Variants in TTN observed in about 807,000 individuals in gnomAD.
TTN encodes titin.
Under a neutral mutation model 3,223.0 loss-of-function variants are expected in TTN, and 1,525 were observed. That is an observed-to-expected ratio of 0.47 (90% confidence interval 0.45 to 0.49). The LOEUF (loss-of-function observed/expected upper bound fraction) is 0.49, where lower values mean the gene tolerates loss of function less well. Among genes scored for constraint, TTN ranks in the 20% least tolerant of loss-of-function variants. The probability of loss-of-function intolerance (pLI) is 0.00; values close to 1 mark genes in which losing one functional copy is unlikely to be tolerated. For missense variants in TTN, 40,786 were observed against 43,424.0 expected (o/e 0.94, Z 5.40); for synonymous variants, 14,094 against 15,161.0 (o/e 0.93, Z 5.17).
At position 178,730,157 on chromosome 2, in the gene TTN, G is replaced by C. The variant is rs1300689165; in HGVS notation, c.18243C>G (p.Thr6081=). 6.2e-7 allele frequency: 1 copy of C among 1,613,194 alleles called. No individual in the cohort carries two copies. Among genetic ancestry groups the C allele is most frequent in the Non-Finnish European group, 8.5e-7 (1 of 1,179,606 alleles). Residue 6081 remains threonine, a synonymous_variant, in exon 62 of 363, where the codon ACC becomes ACG. Coordinates refer to ENST00000589042, the MANE Select transcript of TTN (RefSeq NM_001267550.2). ...CATCATTGCTTAGTTGGCAAATGTA[G>C]GTTCCAGAATCGGTAGCTTTGGCTG... ...LFAAKATDSG[T]YICQLSNDVG...
chr2:178,788,517 GA>G (rs957845143), intron 13 of TTN, among the ~76,000 whole-genome samples: 35 of 151,550 alleles, frequency 2.3e-4, no homozygotes, highest in African/African-American at 8.0e-4. Context: ...TCATATCTTA[GA>G]AAAAAAAGAT....
Position 178,729,081 on chromosome 2 carries a change from A to G in TTN, c.18957T>C (p.Pro6319=), listed in dbSNP as rs773018365. ...CCTTTAGCCAGGTTATAGAAATAGGAGGAGAACCTGCCACGGTACTCTGAA... is the reference window on the plus strand; with the variant it reads ...CCTTTAGCCAGGTTATAGAAATAGGGGGAGAACCTGCCACGGTACTCTGAA... ...ATFQSTVAGS[P]PISITWLKDD... is the part of the protein sequence containing the mutation. The change falls in exon 65 of 363, where the codon CCT becomes CCC. Residue 6319 remains proline (P), a synonymous_variant. Coordinates refer to ENST00000589042, the MANE Select transcript of TTN (RefSeq NM_001267550.2). The G allele has an allele frequency of 6.2e-6, 10 of 1,612,326 alleles. No homozygotes were observed. The highest frequency in any genetic ancestry group is 2.2e-5 in the East Asian group (1 of 44,738).
chr2:178,641,394 T>G (rs1330317483), intron 219 of TTN, 79 bp from the exon 220 acceptor site: 2 of 842,650 alleles, frequency 2.4e-6, no homozygotes, highest in East Asian at 6.1e-5. Context: ...ATGCAAATAA[T>G]GTACAAAGCA....
At chr2:178,726,150 G>A (rs939294342) in intron 69 of TTN, 104 bp from the exon 70 acceptor site, 30 of 1,337,656 alleles carry the variant, frequency 2.2e-5, no homozygotes, top group Admixed American at 1.2e-4. Context: ...ATATTCTAAT[G>A]GGTAAGTAGA....
At chr2:178,688,036 G>C (rs1029090911) in intron 127 of TTN, 75 bp downstream of exon 127, 4 of 1,208,574 alleles carry the variant, frequency 3.3e-6, no homozygotes, top group South Asian at 2.7e-5. Flanking sequence ...TCTTTTCATT[G>C]GTCTGTAGAC....
In TTN at chr2:178,719,764, A is replaced by G. The variant is rs1577982173; in HGVS notation, c.23728T>C (p.Cys7910Arg). 3.7e-6 allele frequency: 6 copies of G among 1,613,420 alleles called. No homozygotes were observed. The East Asian group carries it at 1.3e-4, about 36-fold the overall frequency. ...VTTGNPFALE[C>R]VVTGTPELSA... ...AGTTCTGGTGTTCCAGTCACTACAC[A>G]CTCTAATGCAAAAGGATTTCCAGTA... Residue 7910 changes from cysteine to arginine, a missense_variant, in exon 82 of 363, where the codon TGT becomes CGT. By Grantham distance (180) the Cys-to-Arg change is radical (BLOSUM62 -3). Transcript: ENST00000589042.
Position 178,534,479 on chromosome 2 carries a change from C to A in TTN, c.102136G>T (p.Ala34046Ser). The A allele has an allele frequency of 6.2e-7, 1 of 1,613,672 alleles. No homozygotes were observed. Among genetic ancestry groups the A allele is most frequent in the Non-Finnish European group, 8.5e-7 (1 of 1,179,816 alleles). Residue 34046 changes from alanine to serine, a missense_variant, in exon 358 of 363, where the codon GCC (alanine) becomes TCC (serine). By Grantham distance (99) the Ala-to-Ser change is moderately conservative. Transcript: ENST00000589042. ...AACAACCGGTCAACAAAATCCATGG[C>A]TTCAATGCTAATCTCTTTGAATGCT... is the stretch of plus-strand genomic sequence containing the variant. ...EEAFKEISIE[A>S]MDFVDRLLVK...
chr2:178,584,383 C>T lies in TTN; in HGVS notation c.65168G>A (p.Gly21723Asp), dbSNP rs371802736. The T allele has an allele frequency of 6.2e-6, 10 of 1,613,166 alleles. No homozygotes were observed. The highest frequency in any genetic ancestry group is 3.3e-4 in the Middle Eastern group (2 of 6,078). ...TGAATACTCAAGACCTTCTACAAGG[C>T]CAGCACAAGGATATTCAGTTGACCG... ...LVRSTEYPCAGLVEGLEYSFR... is the reference protein window; with the variant it reads ...LVRSTEYPCADLVEGLEYSFR... Residue 21723 changes from glycine (G) to aspartate (D), a missense_variant, in exon 311 of 363, where the codon GGC (glycine) becomes GAC (aspartate). Coordinates refer to ENST00000589042, the MANE Select transcript of TTN (RefSeq NM_001267550.2).
In TTN at chr2:178,608,676, T is replaced by TA; in HGVS notation, c.52334dup (p.Arg17446LysfsTer3). On this transcript the variant is annotated frameshift_variant, in exon 274 of 363. Coordinates refer to ENST00000589042, the MANE Select transcript of TTN (RefSeq NM_001267550.2). LOFTEE classifies it high-confidence loss of function. ...CTGGCCCAAATCTGTTTTCAGCTCT[T>TA]ACACGGAAGAGGTACTCTTTTCCTT... 1 of 1,612,204 alleles carries TA rather than the reference T, an allele frequency of 6.2e-7. No individual in the cohort carries two copies. The highest frequency in any genetic ancestry group is 1.3e-5 in the African/African-American group (1 of 74,974).
At position 178,558,357 on chromosome 2, in the gene TTN, A is replaced by T. The variant is rs781200259; in HGVS notation, c.87102T>A (p.Leu29034=). The T allele has an allele frequency of 3.7e-6, 6 of 1,612,198 alleles. No individual in the cohort carries two copies. The East Asian group carries it at 1.1e-4, about 30-fold the overall frequency. The change falls in exon 327 of 363, where the codon CTT becomes CTA. Residue 29034 remains leucine (L), a synonymous_variant. Transcript: ENST00000589042. ...TAGACATACCTAGTTGCTCCTTAATAAGAACAGGAAGCAGAAGCTCTCTCG... is the reference window on the plus strand; with the variant it reads ...TAGACATACCTAGTTGCTCCTTAATTAGAACAGGAAGCAGAAGCTCTCTCG... ...SDPRELLLPV[L]IKEQLEPPEI... is the part of the protein sequence containing the mutation.
At chr2:178,648,039 G>C (rs942906625) in intron 213 of TTN, among the ~76,000 whole-genome samples, 1 of 152,032 alleles carries the variant, frequency 6.6e-6, no homozygotes, top group African/African-American at 2.4e-5. Context: ...CTGCCGCCAC[G>C]GATCTTGTCC....
At position 178,785,963 on chromosome 2, in the gene TTN, C is replaced by T. The variant is rs549724517; in HGVS notation, c.2255G>A (p.Arg752His). 1.4e-5 allele frequency: 22 copies of T among 1,614,064 alleles called. No individual in the cohort carries two copies. In the South Asian group the frequency reaches 1.9e-4, roughly 14 times the overall value. ...SAAKVAEPPQ[R>H]PASEPHVVPK... ...GACAACGTGGGGTTCTGAGGCTGGA[C>T]GTTGGGGAGGCTCAGCTACCTTTGC... The change falls in exon 14 of 363, where the codon CGT becomes CAT. Residue 752 changes from arginine to histidine, a missense_variant. Arg to His is a conservative substitution (Grantham distance 29). Transcript: ENST00000589042.
At chr2:178,642,534 C>G (rs2061378388) in intron 218 of TTN, among the ~76,000 whole-genome samples, 1 of 151,976 alleles carries the variant, frequency 6.6e-6, no homozygotes, top group Non-Finnish European at 1.5e-5. Flanking sequence ...ACTCCATTAA[C>G]TGCAGGCAAA....
In TTN at chr2:178,709,842, G is replaced by T. The variant is rs778959524; in HGVS notation, c.28477C>A (p.Pro9493Thr). The change falls in exon 99 of 363, where the codon CCA (proline) becomes ACA (threonine). Residue 9493 changes from proline to threonine, a missense_variant. By Grantham distance (38) the Pro-to-Thr change is conservative. Transcript: ENST00000589042. ...TCTGAGAGTCTTTTAGTGAAACTTG[G>T]TGGGATGAGCCGCTCTATAAGAAAT... ...QLNIKERLIP[P>T]SFTKRLSETV... 1.2e-6 allele frequency: 2 copies of T among 1,611,606 alleles called. No individual in the cohort carries two copies. Among genetic ancestry groups the T allele is most frequent in the Middle Eastern group, 1.7e-4 (1 of 6,052 alleles).
Position 178,574,682 on chromosome 2 carries a change from C to T in TTN, c.71450G>A (p.Cys23817Tyr). The change falls in exon 326 of 363, where the codon TGC (cysteine) becomes TAC (tyrosine). Residue 23817 changes from cysteine (C) to tyrosine (Y), a missense_variant. Cys to Tyr is a radical substitution (Grantham distance 194, BLOSUM62 -2). Coordinates refer to ENST00000589042, the MANE Select transcript of TTN (RefSeq NM_001267550.2). ...YGVGPGITSA[C>Y]IVANYPFKVP... ...CTTAAATGGATAGTTGGCAACTATG[C>T]ATGCTGATGTGATGCCTGGTCCAAC... 6.2e-7 allele frequency: 1 copy of T among 1,613,218 alleles called. No individual in the cohort carries two copies. The highest frequency in any genetic ancestry group is 8.5e-7 in the Non-Finnish European group (1 of 1,179,544).
Position 178,565,087 on chromosome 2 carries a change from T to C in TTN, c.81045A>G (p.Thr27015=), listed in dbSNP as rs771728186. The C allele has an allele frequency of 5.0e-6, 8 of 1,613,538 alleles. No homozygotes were observed. The highest frequency in any genetic ancestry group is 1.7e-5 in the Admixed American group (1 of 59,984). ...ATACCATGTGCCAAGTGGTGGTGGT[T>C]GTATCTCGCTTCTCTACAATGTAGT... ...ISNYIVEKRD[T]TTTTWHMVSA... The change falls in exon 326 of 363, where the codon ACA becomes ACG. Residue 27015 remains threonine (T), a synonymous_variant. Transcript: ENST00000589042.
In TTN at chr2:178,764,802, G is replaced by A. The variant is rs397517792; in HGVS notation, c.9713C>T (p.Pro3238Leu). ...SVTLYVNAPE[P>L]PQVLQELQPV... is the part of the protein sequence containing the mutation. Reference sequence around the variant, plus strand: ...CTGGAGCTCCTGCAGAACTTGGGGCGGTTCAGGAGCTAGGAGTAAATGTTG... The same window carrying A: ...CTGGAGCTCCTGCAGAACTTGGGGCAGTTCAGGAGCTAGGAGTAAATGTTG... The change falls in exon 42 of 363, where the codon CCG becomes CTG. Residue 3238 changes from proline (P) to leucine (L), a missense_variant. Coordinates refer to ENST00000589042, the MANE Select transcript of TTN (RefSeq NM_001267550.2). 2.4e-5 allele frequency: 39 copies of A among 1,612,966 alleles called. No homozygotes were observed. The highest frequency in any genetic ancestry group is 4.0e-5 in the African/African-American group (3 of 74,890).
chr2:178,741,871 C>A lies in TTN; in HGVS notation c.11362G>T (p.Glu3788Ter). The change falls in exon 48 of 363, where the codon GAA becomes TAA. Residue 3788 changes from glutamate to a stop codon, truncating the protein, a stop_gained. Transcript: ENST00000589042. LOFTEE classifies it high-confidence loss of function. The part of the protein sequence containing the change: ...SAEEEGLHSA[E>*]LQLSKINETL... The stretch of plus-strand genomic sequence containing the variant: ...TCATTTATTTTAGATAATTGAAGTT[C>A]GGCGCTATGAAGTCCTTCTTCCTCG... 1 of 1,581,526 alleles carries A rather than the reference C, an allele frequency of 6.3e-7. No individual in the cohort carries two copies. Among genetic ancestry groups the A allele is most frequent in the Non-Finnish European group, 8.6e-7 (1 of 1,163,034 alleles).
In TTN at chr2:178,712,330, G is replaced by C. The variant is rs72648995; in HGVS notation, c.27592C>G (p.Gln9198Glu). ...CATGACAAACCTAGTATGAGTATTTGTGCTGAACAGGAATCTTTTCCAGAG... is the reference window on the plus strand; with the variant it reads ...CATGACAAACCTAGTATGAGTATTTCTGCTGAACAGGAATCTTTTCCAGAG... ...NASGKDSCSA[Q>E]ILILEPPYFV... Residue 9198 changes from glutamine to glutamate, a missense_variant, in exon 95 of 363, where the codon CAA becomes GAA. Gln to Glu is a conservative substitution (Grantham distance 29, BLOSUM62 2). Coordinates refer to ENST00000589042, the MANE Select transcript of TTN (RefSeq NM_001267550.2). 37 of 1,613,470 alleles carry C rather than the reference G, an allele frequency of 2.3e-5. No homozygotes were observed. The Admixed American group carries it at 5.8e-4, about 25-fold the overall frequency.
Sources: allele counts gnomAD v4.1 joint callset (sites outside exome capture counted in the v4.1 genomes callset), GRCh38; gene constraint gnomAD v4.1.1; transcripts MANE v1.5; gene names NCBI Gene and HGNC (gene_info 2026-07-23, HGNC 2026-07-21).